The following FSTL5 variants were observed in gnomAD, a reference collection of about 807,000 sequenced individuals.
FSTL5 encodes follistatin-related protein 5.
A neutral mutation model predicts 89.1 loss-of-function variants in FSTL5; 62 were observed. The ratio of observed to expected loss-of-function variants is 0.70; its 90% CI spans 0.57 to 0.86. The LOEUF (loss-of-function observed/expected upper bound fraction) is 0.86. FSTL5 is among the 40% of genes least tolerant of loss of function. The probability of loss-of-function intolerance (pLI) is 0.00; values close to 1 mark genes in which losing one functional copy is unlikely to be tolerated. For synonymous variants in FSTL5, 383 were observed against 346.2 expected, an observed-to-expected ratio of 1.11 and a Z score of -1.18; for missense variants, 1,057 against 1,001.6, an observed-to-expected ratio of 1.06 and a Z score of -0.75.
At chr4:161,797,926 A>G (rs1560852005) in intron 4 of FSTL5, among the ~76,000 whole-genome samples, 1 of 151,724 alleles carries the variant, frequency 6.6e-6, no homozygotes, top group Non-Finnish European at 1.5e-5. Flanking sequence ...ATCACATCTT[A>G]TCAGTTAATA....
chr4:162,098,135 T>C (rs1053298444), intron 2 of FSTL5, among the ~76,000 whole-genome samples: 4 of 151,958 alleles, frequency 2.6e-5, no homozygotes, highest in Non-Finnish European at 5.9e-5. Context: ...TAACTAGATA[T>C]ATAAAAAGGA....
At chr4:161,933,583 T>C (rs374645020) in intron 3 of FSTL5, among the ~76,000 whole-genome samples, 8 of 151,648 alleles carry the variant, frequency 5.3e-5, no homozygotes, top group African/African-American at 1.9e-4. Flanking sequence ...AGCTTCCTAA[T>C]AGAACTCAGA....
intron 1 of FSTL5, among the ~76,000 whole-genome samples, chr4:162,156,947 T>A (rs531065329): frequency 6.6e-6 from 1 of 152,270 alleles, no homozygotes; most frequent in African/African-American, 2.4e-5. Context: ...TTTCCCTATA[T>A]CTACATTATA....
chr4:162,030,457 A>T (rs1393333518), intron 3 of FSTL5, among the ~76,000 whole-genome samples: 1 of 152,152 alleles, frequency 6.6e-6, no homozygotes, highest in Non-Finnish European at 1.5e-5. Flanking sequence ...GTCTTAACCA[A>T]AATATAACTG....
rs1245975892 is a variant in FSTL5 at position 161,402,254 on chromosome 4, TA to T, written c.1842-15806del. On this transcript the variant is annotated intron_variant, in intron 15 of 15. Transcript: ENST00000306100. ...AAGCAATCATTTAATAAATTATGTG[TA>T]AAACTTATTTTTAGAGTTATTTCAA... Among the ~76,000 whole-genome samples, 8 of 152,326 alleles carry T rather than the reference TA, an allele frequency of 5.3e-5. No individual in the cohort carries two copies. In the East Asian group the frequency reaches 1.5e-3, roughly 29 times the overall value.
chr4:161,500,574 T>G (rs950162465), intron 11 of FSTL5, among the ~76,000 whole-genome samples: 1 of 152,040 alleles, frequency 6.6e-6, no homozygotes, highest in African/African-American at 2.4e-5. Flanking sequence ...TATATAAAGA[T>G]TTTTAGGAAG....
At chr4:162,119,894 T>C (rs1362451954) in intron 1 of FSTL5, among the ~76,000 whole-genome samples, 1 of 152,156 alleles carries the variant, frequency 6.6e-6, no homozygotes, top group Non-Finnish European at 1.5e-5. Context: ...TGGTCCATAC[T>C]GTGAAAATAT....
intron 1 of FSTL5, among the ~76,000 whole-genome samples, chr4:162,153,759 T>TATATATGTATA (rs1561049173): frequency 1.5e-4 from 15 of 100,122 alleles, no homozygotes; most frequent in African/African-American, 4.6e-4. Flanking sequence ...TACATGTATA[T>TATATATGTATA]ATACATGTAT....
chr4:162,065,149 T>C (rs1045533720), intron 2 of FSTL5, among the ~76,000 whole-genome samples: 4 of 151,854 alleles, frequency 2.6e-5, no homozygotes, highest in African/African-American at 9.7e-5. Context: ...ACTATAAAAC[T>C]CCTAGAAAAA....
intron 15 of FSTL5, among the ~76,000 whole-genome samples, chr4:161,405,648 C>T (rs767992109): frequency 6.6e-6 from 1 of 152,140 alleles, no homozygotes; most frequent in Non-Finnish European, 1.5e-5. Flanking sequence ...TAATGGCCAA[C>T]ACTTTCCAAA....
chr4:161,925,253 T>A (rs1330326530), intron 3 of FSTL5, among the ~76,000 whole-genome samples: 4 of 151,944 alleles, frequency 2.6e-5, no homozygotes, highest in African/African-American at 9.7e-5. Flanking sequence ...TACTTCTTAA[T>A]TTAAATCATA....
chr4:161,894,367 A>G (rs1034892180), intron 4 of FSTL5, among the ~76,000 whole-genome samples: 2 of 152,234 alleles, frequency 1.3e-5, no homozygotes, highest in Admixed American at 6.5e-5. Flanking sequence ...ACCAATGTCC[A>G]TCTCTGTTTT....
intron 6 of FSTL5, among the ~76,000 whole-genome samples, chr4:161,707,293 C>A (rs1402739609): frequency 6.6e-6 from 1 of 151,746 alleles, no homozygotes; most frequent in Non-Finnish European, 1.5e-5. Flanking sequence ...GTTTCTTGGA[C>A]AAATTCCTAT....
rs1729692154 is a variant in FSTL5, at chr4:162,073,031, C to T, written c.126+38240G>A. On this transcript the variant is annotated intron_variant, in intron 2 of 15. Coordinates refer to ENST00000306100, the MANE Select transcript of FSTL5 (RefSeq NM_020116.5). ...AAGCAAGCCAGCCTTCAGAATAATC[C>T]TACACTATCAGCAAGCCTGGGTGTC... 3.3e-5 allele frequency among the ~76,000 whole-genome samples: 5 copies of T among 151,838 alleles called. No homozygotes were observed. In the South Asian group the frequency reaches 1.0e-3, roughly 32 times the overall value.
chr4:162,045,060 C>A (rs2111237164), intron 2 of FSTL5, among the ~76,000 whole-genome samples: 1 of 152,174 alleles, frequency 6.6e-6, no homozygotes, highest in Non-Finnish European at 1.5e-5. Context: ...AGAACGTTTC[C>A]TTTGTACTCA....
chr4:161,703,351 C>T (rs528813283), intron 6 of FSTL5, among the ~76,000 whole-genome samples: 137 of 152,176 alleles, frequency 9.0e-4, no homozygotes, highest in African/African-American at 3.1e-3. Flanking sequence ...TTACATGCTA[C>T]GTAGTTCTCC....
chr4:161,438,450 A>G (rs985380804), intron 15 of FSTL5, among the ~76,000 whole-genome samples: 2 of 152,192 alleles, frequency 1.3e-5, no homozygotes, highest in African/African-American at 4.8e-5. Flanking sequence ...CCACTCAACA[A>G]AAGTATTTTA....
In FSTL5 at chr4:161,992,457, A is replaced by G. The variant is rs910588940; in HGVS notation, c.160+41168T>C. The stretch of plus-strand genomic sequence containing the variant: ...CTGATTACAAGAATTAACTGAGCAC[A>G]GAGAAGGAAGGAGTAACCATTAATT... On this transcript the variant is annotated intron_variant, in intron 3 of 15. Coordinates refer to ENST00000306100, the MANE Select transcript of FSTL5 (RefSeq NM_020116.5). 4.6e-5 allele frequency among the ~76,000 whole-genome samples: 7 copies of G among 152,266 alleles called. No homozygotes were observed. In the East Asian group the frequency reaches 7.8e-4, roughly 17 times the overall value.
intron 3 of FSTL5, among the ~76,000 whole-genome samples, chr4:162,028,325 C>T (rs1455709885): frequency 6.6e-6 from 1 of 152,004 alleles, no homozygotes; most frequent in East Asian, 1.9e-4. Flanking sequence ...GCTTGTAATC[C>T]CAGCACTTTG....
Sources: gnomAD v4.1 joint callset for allele counts (sites outside exome capture counted in the v4.1 genomes callset) on GRCh38, gnomAD v4.1.1 for gene constraint, MANE v1.5 for transcripts, NCBI Gene and HGNC (gene_info 2026-07-23, HGNC 2026-07-21) for gene names.